The following ABCA7 variants were observed in gnomAD, a reference collection of about 807,000 sequenced individuals.
ABCA7 encodes ATP binding cassette subfamily A member 7, also known as phospholipid-transporting ATPase ABCA7.
A neutral mutation model predicts 227.6 loss-of-function variants in ABCA7; 261 were observed. The ratio of observed to expected loss-of-function variants is 1.15; its 90% CI spans 1.04 to 1.27. The LOEUF is 1.27. ABCA7 is among the 50% of genes most tolerant of loss of function. The probability of loss-of-function intolerance (pLI) is 0.00; values close to 1 mark genes in which losing one functional copy is unlikely to be tolerated. For synonymous variants in ABCA7, 1,488 were observed against 1,279.7 expected, an observed-to-expected ratio of 1.16 and a Z score of -3.47; for missense variants, 3,331 against 2,924.5, an observed-to-expected ratio of 1.14 and a Z score of -3.21.
intron 45 of ABCA7, 26 bp from the exon 46 acceptor site, chr19:1,064,905 G>C (rs370651655): frequency 1.9e-6 from 3 of 1,551,542 alleles, no homozygotes; most frequent in African/African-American, 2.7e-5. Context: ...GGCCCGATCC[G>C]GTAGCCCTGG....
chr19:1,046,027 A>T (rs1205680356), intron 12 of ABCA7, among the ~76,000 whole-genome samples: 4 of 152,142 alleles, frequency 2.6e-5, no homozygotes, highest in African/African-American at 9.7e-5. Flanking sequence ...ATAAATGAAT[A>T]AAATTAGCCA....
chr19:1,062,593 C>T (rs781136052), intron 42 of ABCA7, among the ~76,000 whole-genome samples: 1 of 152,034 alleles, frequency 6.6e-6, no homozygotes, highest in African/African-American at 2.4e-5. Flanking sequence ...TTGACTCTGC[C>T]TTCTGTGGCC....
chr19:1,064,109 C>G, intron 44 of ABCA7, 52 bp from the exon 45 acceptor site: 9 of 1,496,902 alleles, frequency 6.0e-6, no homozygotes, highest in South Asian at 1.3e-5. Flanking sequence ...AGTGTGGCGC[C>G]AGGCACAGGT....
chr19:1,053,431 C>T lies in ABCA7; in HGVS notation c.3323C>T (p.Ala1108Val), dbSNP rs1003311148. ...GTGCTGGTGCTGCCCTACACGGGTG[C>T]CCATGACGGCAGCTTCGCCACACTC... ...ELVLVLPYTGAHDGSFATLFR... is the reference protein window; with the variant it reads ...ELVLVLPYTGVHDGSFATLFR... Residue 1108 changes from alanine (A) to valine (V), a missense_variant, in exon 24 of 47, where the codon GCC becomes GTC. Coordinates refer to ENST00000263094, the MANE Select transcript of ABCA7 (RefSeq NM_019112.4). 1.1e-5 allele frequency: 18 copies of T among 1,605,600 alleles called. No individual in the cohort carries two copies. The Admixed American group carries it at 2.2e-4, about 20-fold the overall frequency.
At position 1,051,099 on chromosome 19, in the gene ABCA7, G is replaced by A. The variant is rs374222129; in HGVS notation, c.2684+47G>A. ...GTGCAGCGGTGGGAAGGGACTGGAC[G>A]CCCTCTGGGACTCTGCCTGCCATGT... is the stretch of plus-strand genomic sequence containing the variant. On this transcript the variant is annotated intron_variant, in intron 19 of 46. Coordinates refer to ENST00000263094, the MANE Select transcript of ABCA7 (RefSeq NM_019112.4). The A allele has an allele frequency of 3.7e-4, 593 of 1,611,240 alleles. 3 individuals carry two copies. The South Asian group carries it at 5.9e-3, about 16-fold the overall frequency.
At chr19:1,041,455 G>C (rs762970473) in intron 2 of ABCA7, 28 bp downstream of exon 2, 1 of 1,613,858 alleles carries the variant, frequency 6.2e-7, no homozygotes. Flanking sequence ...GACCAGGGCC[G>C]GGTGGGCAGG....
chr19:1,054,567 C>T lies in ABCA7; in HGVS notation c.3727-3C>T. On this transcript the variant is annotated splice_region_variant and splice_polypyrimidine_tract_variant and intron_variant, in intron 27 of 46. Transcript: ENST00000263094. This position sits in a 1 kb window ranked among gnomAD's most constrained non-coding sequence, Gnocchi z 4.8. ...AGCAGCAGCTGATGGGCTGGTCCCC[C>T]AGATCGTGCTGCCTGCCCTCTTTGT... 1 of 1,608,368 alleles carries T rather than the reference C, an allele frequency of 6.2e-7. No individual in the cohort carries two copies. Among genetic ancestry groups the T allele is most frequent in the Non-Finnish European group, 8.5e-7 (1 of 1,177,230 alleles).
At chr19:1,040,438 C>T (rs184045136) in intron 1 of ABCA7, among the ~76,000 whole-genome samples, 4 of 152,320 alleles carry the variant, frequency 2.6e-5, no homozygotes, top group East Asian at 3.9e-4. Flanking sequence ...CTGCACTCCC[C>T]CTTGCCCCGT....
rs762408445 is a variant in ABCA7 at position 1,041,622 on chromosome 19, C to T, written c.160+19C>T. 18 of 1,608,270 alleles carry T rather than the reference C, an allele frequency of 1.1e-5. No individual in the cohort carries two copies. The highest frequency in any genetic ancestry group is 1.7e-4 in the Middle Eastern group (1 of 6,044). On this transcript the variant is annotated intron_variant, in intron 3 of 46. Coordinates refer to ENST00000263094, the MANE Select transcript of ABCA7 (RefSeq NM_019112.4). The stretch of plus-strand genomic sequence containing the variant: ...CATGAATGTGAGCCCCCCCAGGGAC[C>T]AGGCACTTTGTGTGTGTAGGGGAAG...
chr19:1,065,145 T>C lies in ABCA7; in HGVS notation c.6259T>C (p.Ser2087Pro), dbSNP rs1476935041. ...CGCAGAGCACGGCGTGGAGGACTTTTCCGTGAGCCAGACGATGCTGGAGGA... is the reference window on the plus strand; with the variant it reads ...CGCAGAGCACGGCGTGGAGGACTTTCCCGTGAGCCAGACGATGCTGGAGGA... ...HGAEHGVEDF[S>P]VSQTMLEEVF... Residue 2087 changes from serine (S) to proline (P), a missense_variant, in exon 46 of 47, where the codon TCC becomes CCC. By Grantham distance (74) the Ser-to-Pro change is moderately conservative. Coordinates refer to ENST00000263094, the MANE Select transcript of ABCA7 (RefSeq NM_019112.4). 1.3e-6 allele frequency: 2 copies of C among 1,591,572 alleles called. No homozygotes were observed. Among genetic ancestry groups the C allele is most frequent in the Non-Finnish European group, 1.7e-6 (2 of 1,166,692 alleles).
chr19:1,050,014 C>T (rs1397203596), intron 18 of ABCA7, among the ~76,000 whole-genome samples: 1 of 138,412 alleles, frequency 7.2e-6, no homozygotes, highest in African/African-American at 3.0e-5. Context: ...CCCCCCACCA[C>T]TTCCTCCCTG....
chr19:1,051,804 C>A, intron 21 of ABCA7, 138 bp from the exon 22 acceptor site: 1 of 1,261,708 alleles, frequency 7.9e-7, no homozygotes, highest in Non-Finnish European at 1.1e-6. Context: ...AGGTTTCCAA[C>A]AAGGAGGTTC....
rs1568382711 is a variant in ABCA7, at chr19:1,056,444, A to G, written c.4531A>G (p.Thr1511Ala). 1 of 1,613,578 alleles carries G rather than the reference A, an allele frequency of 6.2e-7. No individual in the cohort carries two copies. Among genetic ancestry groups the G allele is most frequent in the Admixed American group, 1.7e-5 (1 of 60,002 alleles). ...PGPARHAHSI[T>A]TLNHPLNLTK... ...CCCGGCCCGCCACGCCCACAGCATC[A>G]CCACACTCAACCACCCCTTGAACCT... Residue 1511 changes from threonine to alanine, a missense_variant, in exon 33 of 47, where the codon ACC (threonine) becomes GCC (alanine). Coordinates refer to ENST00000263094, the MANE Select transcript of ABCA7 (RefSeq NM_019112.4). The surrounding 1 kb of genome is among the most constrained non-coding windows in gnomAD (Gnocchi z 4.3).
At chr19:1,048,828 ACCC>A in intron 16 of ABCA7, 64 bp from the exon 17 acceptor site, 1 of 915,416 alleles carries the variant, frequency 1.1e-6, no homozygotes, top group Non-Finnish European at 1.6e-6. Flanking sequence ...AAAAAACAAA[ACCC>A]CAAAAAAAGC....
intron 18 of ABCA7, 30 bp downstream of exon 18, chr19:1,049,467 G>GC (rs1555688249): frequency 2.4e-6 from 3 of 1,255,750 alleles, no homozygotes; most frequent in South Asian, 1.5e-5. Context: ...CTCCCCGTGA[G>GC]CCCCCCCACT....
intron 45 of ABCA7, chr19:1,064,679 G>C: frequency 1.7e-6 from 1 of 587,706 alleles, no homozygotes; most frequent in Non-Finnish European, 2.8e-6. Flanking sequence ...TGATAGCTTC[G>C]AGAGCAACCT....
chr19:1,063,260 C>T (rs2042797353), intron 42 of ABCA7, among the ~76,000 whole-genome samples: 1 of 131,000 alleles, frequency 7.6e-6, no homozygotes. Flanking sequence ...CATGGCCCCG[C>T]CCCATACTCA....
rs369144055 is a variant in ABCA7, at chr19:1,057,055, T to C, written c.4735T>C (p.Tyr1579His). ...CATGGGGGGCCTGTCCCCCACCCTCTACTGGCTTGGCAACTTTCTCTGGGA... is the reference window on the plus strand; with the variant it reads ...CATGGGGGGCCTGTCCCCCACCCTCCACTGGCTTGGCAACTTTCTCTGGGA... The part of the protein sequence containing the change: ...QLMGGLSPTL[Y>H]WLGNFLWDMC... Residue 1579 changes from tyrosine to histidine, a missense_variant, in exon 34 of 47, where the codon TAC (tyrosine) becomes CAC (histidine). Coordinates refer to ENST00000263094, the MANE Select transcript of ABCA7 (RefSeq NM_019112.4). 7.4e-6 allele frequency: 12 copies of C among 1,613,320 alleles called. No homozygotes were observed. In the African/African-American group the frequency reaches 1.6e-4, roughly 22 times the overall value.
intron 16 of ABCA7, among the ~76,000 whole-genome samples, chr19:1,048,159 G>A (rs1052511674): frequency 2.1e-5 from 3 of 142,868 alleles, no homozygotes; most frequent in Non-Finnish European, 4.5e-5. Flanking sequence ...GATCCCACCA[G>A]CCTGGGCAAC....
Sources: gnomAD v4.1 joint callset for allele counts (sites outside exome capture counted in the v4.1 genomes callset) on GRCh38, gnomAD v4.1.1 for gene constraint, Gnocchi (gnomAD v3.1) non-coding constraint, MANE v1.5 for transcripts, NCBI Gene and HGNC (gene_info 2026-07-23, HGNC 2026-07-21) for gene names.